Variants in STXBP5 observed in about 807,000 individuals in gnomAD.
STXBP5 encodes syntaxin-binding protein 5.
In STXBP5, 50 loss-of-function variants were observed where a neutral mutation model predicts 152.4. The observed-to-expected ratio is 0.33, with a 90% CI of 0.26 to 0.42. The LOEUF is 0.42. Among genes scored for constraint, STXBP5 ranks in the 10% least tolerant of loss-of-function variants. The probability of loss-of-function intolerance (pLI) is 1.00; values close to 1 mark genes in which losing one functional copy is unlikely to be tolerated. For missense variants in STXBP5, 1,167 were observed against 1,388.6 expected (o/e 0.84, Z 2.54); for synonymous variants, 492 against 494.7 (o/e 0.99, Z 0.07).
chr6:147,314,666 A>G (rs1421656343), intron 14 of STXBP5, 30 bp downstream of exon 14: 4 of 1,557,790 alleles, frequency 2.6e-6, no homozygotes, highest in African/African-American at 2.7e-5. Flanking sequence ...ATTATTTGTT[A>G]TATGTTATAC....
intron 8 of STXBP5, among the ~76,000 whole-genome samples, chr6:147,279,206 AT>A (rs1272765051): frequency 1.1e-4 from 16 of 152,198 alleles, no homozygotes; most frequent in African/African-American, 3.9e-4. Flanking sequence ...CTTATAAGAA[AT>A]TTTTATTATA....
chr6:147,236,702 T>C (rs1007993857), intron 3 of STXBP5, among the ~76,000 whole-genome samples: 9 of 151,894 alleles, frequency 5.9e-5, no homozygotes, highest in African/African-American at 2.2e-4. Flanking sequence ...AAGAAGTGCC[T>C]TCAGCACTAA....
intron 23 of STXBP5, 96 bp from the exon 24 acceptor site, chr6:147,363,237 CAT>C: frequency 8.1e-7 from 1 of 1,241,398 alleles, no homozygotes. Flanking sequence ...ATGCGTTCAG[CAT>C]ATATTTAAGT....
At chr6:147,233,638 G>A (rs1180052805) in intron 2 of STXBP5, among the ~76,000 whole-genome samples, 1 of 151,596 alleles carries the variant, frequency 6.6e-6, no homozygotes, top group East Asian at 1.9e-4. Flanking sequence ...TAGCTGAAGC[G>A]ATTAGAATTA....
chr6:147,262,412 A>G, intron 6 of STXBP5, 59 bp downstream of exon 6: 1 of 1,041,708 alleles, frequency 9.6e-7, no homozygotes, highest in Non-Finnish European at 1.4e-6. Context: ...TTTTTCAATA[A>G]ACATGCTATT....
At chr6:147,237,272 T>G (rs1778323938) in intron 3 of STXBP5, among the ~76,000 whole-genome samples, 2 of 152,118 alleles carry the variant, frequency 1.3e-5, no homozygotes, top group South Asian at 4.1e-4. Flanking sequence ...CCATTTTTTT[T>G]GACCTGTTAA....
chr6:147,376,441 G>A (rs1041810278), intron 26 of STXBP5, among the ~76,000 whole-genome samples: 6 of 152,166 alleles, frequency 3.9e-5, no homozygotes, highest in Non-Finnish European at 8.8e-5. Flanking sequence ...AAGCATGGTA[G>A]ATTTAGCTTT....
rs189390657 is a variant in STXBP5, at chr6:147,205,672, C to T, written c.151-299C>T. 1.0e-3 allele frequency among the ~76,000 whole-genome samples: 152 copies of T among 152,224 alleles called. 2 individuals are homozygous for T. The highest frequency in any genetic ancestry group is 9.3e-3 in the South Asian group (45 of 4,816). On this transcript the variant is annotated intron_variant, in intron 1 of 27. Coordinates refer to ENST00000321680, the MANE Select transcript of STXBP5 (RefSeq NM_001127715.4). ...ATTTTGGACCATTGCAAACTTTAGT[C>T]ATCTGGTGTCGGATGTAGTAGTATA... is the stretch of plus-strand genomic sequence containing the variant.
intron 25 of STXBP5, among the ~76,000 whole-genome samples, chr6:147,369,113 G>C (rs984489370): frequency 6.6e-6 from 1 of 151,902 alleles, no homozygotes; most frequent in African/African-American, 2.4e-5. Context: ...AGTAGAGAAT[G>C]GTATTTTTGG....
chr6:147,378,625 A>C (rs939465652), intron 26 of STXBP5, among the ~76,000 whole-genome samples: 1 of 152,066 alleles, frequency 6.6e-6, no homozygotes, highest in Non-Finnish European at 1.5e-5. Flanking sequence ...GAAGTACTAT[A>C]ATACGAAACA....
At chr6:147,285,949 C>G (rs1344983631) in intron 8 of STXBP5, among the ~76,000 whole-genome samples, 10 of 152,142 alleles carry the variant, frequency 6.6e-5, no homozygotes. Flanking sequence ...GTCAGCCTGA[C>G]TCTCCCACTA....
chr6:147,282,714 C>G (rs1031878352), intron 8 of STXBP5, among the ~76,000 whole-genome samples: 3 of 152,130 alleles, frequency 2.0e-5, no homozygotes, highest in Non-Finnish European at 4.4e-5. Flanking sequence ...ACAGTATTGG[C>G]ATGGCTCAGA....
chr6:147,296,528 A>G (rs115489256), intron 9 of STXBP5, among the ~76,000 whole-genome samples: 187 of 152,340 alleles, frequency 1.2e-3, no homozygotes, highest in African/African-American at 4.3e-3. Flanking sequence ...ACAGGTGACT[A>G]TTCAACCAAA....
intron 4 of STXBP5, among the ~76,000 whole-genome samples, chr6:147,251,526 G>A (rs1459752624): frequency 6.6e-6 from 1 of 152,206 alleles, no homozygotes; most frequent in African/African-American, 2.4e-5. Context: ...AGCCCAGCCA[G>A]ACTGCCTCTC....
At chr6:147,216,669 C>T (rs1777183776) in intron 2 of STXBP5, among the ~76,000 whole-genome samples, 1 of 151,874 alleles carries the variant, frequency 6.6e-6, no homozygotes, top group African/African-American at 2.4e-5. Context: ...AACTAGTATT[C>T]TTTTGGAAGT....
chr6:147,242,298 A>T (rs1158171264), intron 4 of STXBP5, among the ~76,000 whole-genome samples: 1 of 152,158 alleles, frequency 6.6e-6, no homozygotes, highest in African/African-American at 2.4e-5. Flanking sequence ...AAGGGTTATT[A>T]TAAAAGAGTC....
rs1218693012 is a variant in STXBP5 at position 147,278,137 on chromosome 6, A to G, written c.771A>G (p.Ser257=). Residue 257 remains serine, a synonymous_variant, in exon 8 of 28, where the codon TCA becomes TCG. Transcript: ENST00000321680. Reference sequence around the variant, plus strand: ...GAAAACAATTTATTTGCAGTCATTCAGATGGCACCTTGACTATATGGAATG... The same window carrying G: ...GAAAACAATTTATTTGCAGTCATTCGGATGGCACCTTGACTATATGGAATG... ...HEGKQFICSH[S]DGTLTIWNVR... is the part of the protein sequence containing the mutation. The G allele has an allele frequency of 3.1e-6, 5 of 1,612,948 alleles. No homozygotes were observed. The highest frequency in any genetic ancestry group is 3.3e-5 in the Admixed American group (2 of 59,982).
At chr6:147,257,692 G>T (rs1779438739) in intron 4 of STXBP5, among the ~76,000 whole-genome samples, 1 of 152,120 alleles carries the variant, frequency 6.6e-6, no homozygotes, top group Non-Finnish European at 1.5e-5. Flanking sequence ...TTTTGTTGGG[G>T]TCTTGTTAAC....
chr6:147,363,448 A>G lies in STXBP5; in HGVS notation c.2659A>G (p.Lys887Glu), dbSNP rs1442584714. ...PWREHNVPEE[K>E]DEKEKLKKRR... ...GAGAGAGCACAATGTTCCTGAAGAA[A>G]AAGACGAAAAGGAGAAATTGAAAAA... Residue 887 changes from lysine to glutamate, a missense_variant, in exon 24 of 28, where the codon AAA (lysine) becomes GAA (glutamate). Physicochemically the swap from Lys to Glu is moderately conservative, Grantham distance 56. Coordinates refer to ENST00000321680, the MANE Select transcript of STXBP5 (RefSeq NM_001127715.4). The G allele has an allele frequency of 6.2e-7, 1 of 1,614,164 alleles. No individual in the cohort carries two copies. The highest frequency in any genetic ancestry group is 2.2e-5 in the East Asian group (1 of 44,870).
Sources: gnomAD v4.1 joint callset for allele counts (sites outside exome capture counted in the v4.1 genomes callset) on GRCh38, gnomAD v4.1.1 for gene constraint, MANE v1.5 for transcripts, NCBI Gene and HGNC (gene_info 2026-07-23, HGNC 2026-07-21) for gene names.